CDK13: variants seen among roughly 807,000 people sequenced by gnomAD.
The protein encoded by CDK13 is cyclin dependent kinase 13.
CDK13 carries 40 observed loss-of-function variants against 137.6 expected under a neutral mutation model. The ratio of observed to expected loss-of-function variants is 0.29; its 90% confidence interval spans 0.23 to 0.38. CDK13 has a LOEUF of 0.38. CDK13 is among the 10% of genes least tolerant of loss of function. The pLI is 1.00. For synonymous variants in CDK13, 869 were observed against 760.1 expected (o/e 1.14, Z -2.36); for missense variants, 1,704 against 1,951.8 (o/e 0.87, Z 2.39).
At chr7:39,954,580 C>G (rs1313683341) in intron 1 of CDK13, among the ~76,000 whole-genome samples, 1 of 151,948 alleles carries the variant, frequency 6.6e-6, no homozygotes, top group Non-Finnish European at 1.5e-5. Flanking sequence ...ACTGAACATA[C>G]AAAATATTAA....
At chr7:40,062,434 C>T (rs1365693492) in intron 7 of CDK13, 12 of 165,280 alleles carry the variant, frequency 7.3e-5, no homozygotes, top group South Asian at 6.3e-4. Flanking sequence ...TATGGGCACC[C>T]GTCACCACGC....
intron 1 of CDK13, among the ~76,000 whole-genome samples, chr7:39,967,983 C>A (rs917290931): frequency 6.6e-6 from 1 of 152,202 alleles, no homozygotes; most frequent in African/African-American, 2.4e-5. Flanking sequence ...TCACCCACTT[C>A]AGCCTCCCAA....
chr7:39,959,500 A>T (rs1382775623), intron 1 of CDK13, among the ~76,000 whole-genome samples: 1 of 143,570 alleles, frequency 7.0e-6, no homozygotes, highest in Non-Finnish European at 1.5e-5. Context: ...ACCGGGTCTC[A>T]CTCTGTCACC....
chr7:40,039,119 C>T (rs1296169233), intron 5 of CDK13, among the ~76,000 whole-genome samples: 1 of 151,714 alleles, frequency 6.6e-6, no homozygotes, highest in African/African-American at 2.4e-5. Flanking sequence ...TCTTTTCTCC[C>T]CCTAATTTAG....
rs548277309 is a variant in CDK13, at chr7:40,065,620, A to G, written c.2780+2520A>G. ...AGAACATCTAGGTTTAAAAAGAGTG[A>G]TAAGTATAAAAATCCATGGGCTAAT... On this transcript the variant is annotated intron_variant, in intron 9 of 13. Coordinates refer to ENST00000181839, the MANE Select transcript of CDK13 (RefSeq NM_003718.5). Among the ~76,000 whole-genome samples, 11 of 152,316 alleles carry G rather than the reference A, an allele frequency of 7.2e-5. 1 individual carries two copies. In the South Asian group the frequency reaches 1.7e-3, roughly 23 times the overall value.
intron 7 of CDK13, chr7:40,059,068 G>A (rs1429580340): frequency 6.6e-6 from 1 of 152,130 alleles, no homozygotes; most frequent in Non-Finnish European, 1.5e-5. Context: ...TTTTCACTTA[G>A]AATGGTCTTT....
At chr7:39,971,325 T>C (rs1256712734) in intron 1 of CDK13, among the ~76,000 whole-genome samples, 1 of 151,850 alleles carries the variant, frequency 6.6e-6, no homozygotes, top group Non-Finnish European at 1.5e-5. Context: ...AAGACTAGCC[T>C]GGCCAACATG....
Position 40,094,591 on chromosome 7 carries a change from T to G in CDK13, c.4150T>G (p.Ser1384Ala). Residue 1384 changes from serine to alanine, a missense_variant, in exon 14 of 14, where the codon TCA (serine) becomes GCA (alanine). Ser to Ala is a moderately conservative substitution (Grantham distance 99). Around this residue, in one of 5 missense-constraint regions of CDK13, gnomAD observed 475 missense variants for 579.3 expected, o/e 0.82. Transcript: ENST00000181839. The stretch of plus-strand genomic sequence containing the variant: ...GTCTTTGGATAACTACAGTACTGCT[T>G]CATCTCATTCTGGTGGTCCACCTCA... ...IQSLDNYSTA[S>A]SHSGGPPQPS... 6.2e-7 allele frequency: 1 copy of G among 1,613,632 alleles called. No individual in the cohort carries two copies. The highest frequency in any genetic ancestry group is 2.2e-5 in the East Asian group (1 of 44,888).
chr7:40,092,650 TTC>T, intron 12 of CDK13, 133 bp from the exon 13 acceptor site: 1 of 638,558 alleles, frequency 1.6e-6, no homozygotes, highest in Non-Finnish European at 2.7e-6. Flanking sequence ...AGACTTGAGG[TTC>T]TCTTTTTACA....
intron 5 of CDK13, among the ~76,000 whole-genome samples, chr7:40,011,714 C>T (rs779377109): frequency 6.6e-6 from 1 of 151,994 alleles, no homozygotes; most frequent in African/African-American, 2.4e-5. Context: ...ACTTTATGAT[C>T]TTGGATTGGG....
intron 1 of CDK13, among the ~76,000 whole-genome samples, chr7:39,955,392 C>G (rs2116097137): frequency 6.6e-6 from 1 of 152,166 alleles, no homozygotes; most frequent in African/African-American, 2.4e-5. Flanking sequence ...TATTAAAGAG[C>G]ATGGATTTTG....
chr7:39,997,891 T>G, intron 3 of CDK13: 1 of 434,212 alleles, frequency 2.3e-6, no homozygotes, highest in Non-Finnish European at 4.1e-6. Context: ...TGTAATGTAT[T>G]AATTTCCTGG....
In CDK13 at chr7:40,099,177, A is replaced by C. The variant is rs1196785329; in HGVS notation, c.*4197A>C. On this transcript the variant is annotated 3_prime_UTR_variant, in exon 14 of 14. Transcript: ENST00000181839. ...AAGGCTTCTCCAGATAATTTCTTAA[A>C]TGTTTCTACTTAAAAATAAAAGCTA... The C allele has an allele frequency of 6.6e-6, 1 of 152,092 alleles. No individual in the cohort carries two copies. Among genetic ancestry groups the C allele is most frequent in the Non-Finnish European group, 1.5e-5 (1 of 68,002 alleles). 9.4% of individuals were successfully genotyped at this position (152,092 alleles called of 1,614,324 possible). A position where few individuals can be genotyped will look rare whatever the true frequency, so the allele number is the denominator to read the frequency against.
chr7:39,964,923 G>T (rs544201088), intron 1 of CDK13, among the ~76,000 whole-genome samples: 1 of 152,324 alleles, frequency 6.6e-6, no homozygotes, highest in South Asian at 2.1e-4. Context: ...TTTCCATGTA[G>T]TTGAGCGGTT....
At chr7:39,985,182 T>G (rs1364435293) in intron 1 of CDK13, 1 of 151,420 alleles carries the variant, frequency 6.6e-6, no homozygotes, top group Non-Finnish European at 1.5e-5. Context: ...GTTGAATTGT[T>G]TTAATTTTTA....
rs893990013 is a variant in CDK13, at chr7:39,950,834, G to C, written c.193G>C (p.Gly65Arg). 1.3e-4 allele frequency: 178 copies of C among 1,389,520 alleles called. No individual in the cohort carries two copies. Among genetic ancestry groups the C allele is most frequent in the Non-Finnish European group, 4.1e-5 (44 of 1,082,128 alleles). 86.1% of individuals were successfully genotyped at this position (1,389,520 alleles called of 1,614,324 possible). A position where few individuals can be genotyped will look rare whatever the true frequency, so the allele number is the denominator to read the frequency against. Residue 65 changes from glycine (G) to arginine (R), a missense_variant, in exon 1 of 14, where the codon GGC (glycine) becomes CGC (arginine). Gly to Arg is a moderately radical substitution (Grantham distance 125). Transcript: ENST00000181839. ...PPPLLFLAAP[G>R]TAAAAAAAAA... is the part of the protein sequence containing the mutation. ...GCCTCTGCTCTTCCTGGCTGCTCCC[G>C]GCACGGCCGCCGCCGCAGCCGCCGC...
chr7:39,996,577 A>G lies in CDK13; in HGVS notation c.1872-917A>G, dbSNP rs569056251. On this transcript the variant is annotated intron_variant, in intron 2 of 13. Coordinates refer to ENST00000181839, the MANE Select transcript of CDK13 (RefSeq NM_003718.5). ...AATTTAGAAAAATTAATTAACCCTG[A>G]AAAGGGTCAAAGCTGAATTAGCTGT... is the stretch of plus-strand genomic sequence containing the variant. 2.6e-4 allele frequency among the ~76,000 whole-genome samples: 39 copies of G among 152,336 alleles called. No homozygotes were observed. The South Asian group carries it at 7.7e-3, about 30-fold the overall frequency.
chr7:40,087,991 A>G lies in CDK13; in HGVS notation c.3030-135A>G, dbSNP rs1398488350. The stretch of plus-strand genomic sequence containing the variant: ...GACAATAAGGATGATTTTTATTGGA[A>G]GAGTTTTACAGAGCCATTCTATGAA... On this transcript the variant is annotated intron_variant, in intron 11 of 13. Coordinates refer to ENST00000181839, the MANE Select transcript of CDK13 (RefSeq NM_003718.5). The G allele has an allele frequency of 1.1e-5, 7 of 642,726 alleles. No individual in the cohort carries two copies. In the East Asian group the frequency reaches 1.9e-4, roughly 18 times the overall value. 39.8% of individuals were successfully genotyped at this position (642,726 alleles called of 1,614,324 possible). A position where few individuals can be genotyped will look rare whatever the true frequency, so the allele number is the denominator to read the frequency against.
chr7:39,965,467 T>C (rs1178724350), intron 1 of CDK13, among the ~76,000 whole-genome samples: 1 of 152,214 alleles, frequency 6.6e-6, no homozygotes, highest in East Asian at 1.9e-4. Flanking sequence ...TTCCATTTGC[T>C]TGGTAGATCT....
Sources: gnomAD v4.1 joint callset for allele counts (sites outside exome capture counted in the v4.1 genomes callset) on GRCh38, gnomAD v4.1.1 for gene constraint, gnomAD v4.1.1 regional missense constraint, MANE v1.5 for transcripts, NCBI Gene and HGNC (gene_info 2026-07-23, HGNC 2026-07-21) for gene names.